PRKCB: variants seen among roughly 807,000 people sequenced by gnomAD.
PRKCB encodes protein kinase C beta.
A neutral mutation model predicts 81.5 loss-of-function variants in PRKCB; 13 were observed. That is an observed-to-expected ratio of 0.16 (90% CI 0.10 to 0.25). The LOEUF (loss-of-function observed/expected upper bound fraction) is 0.25. PRKCB is among the 10% of genes least tolerant of loss of function. The probability of loss-of-function intolerance (pLI) is 1.00; values close to 1 mark genes in which losing one functional copy is unlikely to be tolerated. For synonymous variants in PRKCB, 335 were observed against 321.4 expected (o/e 1.04, Z -0.45); for missense variants, 509 against 875.7 (o/e 0.58, Z 5.29).
chr16:23,846,647 A>G (rs986338620), intron 2 of PRKCB, among the ~76,000 whole-genome samples: 19 of 147,016 alleles, frequency 1.3e-4, no homozygotes, highest in Admixed American at 1.2e-3. Flanking sequence ...GTTTCTACCT[A>G]TAAACCAACT....
intron 16 of PRKCB, among the ~76,000 whole-genome samples, chr16:24,195,092 A>G (rs1242290552): frequency 6.6e-6 from 1 of 151,672 alleles, no homozygotes; most frequent in Non-Finnish European, 1.5e-5. Flanking sequence ...AGTCCCAGCT[A>G]CTCAGGAGGC....
At chr16:23,889,266 A>G (rs1168268790) in intron 2 of PRKCB, among the ~76,000 whole-genome samples, 2 of 152,206 alleles carry the variant, frequency 1.3e-5, no homozygotes, top group Non-Finnish European at 2.9e-5. Flanking sequence ...CTCACCAAGC[A>G]TGTGATCTTG....
chr16:24,066,626 C>CT (rs751557997), intron 5 of PRKCB, among the ~76,000 whole-genome samples: 25 of 147,488 alleles, frequency 1.7e-4, no homozygotes, highest in Middle Eastern at 3.5e-3. Flanking sequence ...TTGGATTTTC[C>CT]TTTTTTTTTT....
chr16:23,934,440 C>T (rs1465828568), intron 2 of PRKCB, among the ~76,000 whole-genome samples: 2 of 151,794 alleles, frequency 1.3e-5, no homozygotes, highest in Non-Finnish European at 2.9e-5. Flanking sequence ...TGGAAAGGGC[C>T]AGGGTATGTT....
intron 2 of PRKCB, among the ~76,000 whole-genome samples, chr16:23,950,844 G>A (rs1284267570): frequency 6.6e-6 from 1 of 152,152 alleles, no homozygotes; most frequent in Non-Finnish European, 1.5e-5. Flanking sequence ...TCACACATAA[G>A]CCTTTCTTTT....
chr16:24,220,585 A>G lies in PRKCB; in HGVS notation c.*5769A>G, dbSNP rs574068314. 6.5e-6 allele frequency: 1 copy of G among 154,386 alleles called. No homozygotes were observed. The highest frequency in any genetic ancestry group is 6.4e-5 in the Admixed American group (1 of 15,634). 9.6% of individuals were successfully genotyped at this position (154,386 alleles called of 1,614,324 possible). A position where few individuals can be genotyped will look rare whatever the true frequency, so the allele number is the denominator to read the frequency against. ...GGAAGTTTTTTGTTTAAGAATTGAT[A>G]TGATTAAACTGAATTAATATATGCA... On this transcript the variant is annotated 3_prime_UTR_variant, in exon 17 of 17. Coordinates refer to ENST00000643927, the MANE Select transcript of PRKCB (RefSeq NM_002738.7).
intron 2 of PRKCB, among the ~76,000 whole-genome samples, chr16:23,922,503 A>G (rs1181301027): frequency 6.6e-6 from 1 of 152,192 alleles, no homozygotes; most frequent in Non-Finnish European, 1.5e-5. Flanking sequence ...TTGCATTTTT[A>G]AAGACTATAT....
intron 8 of PRKCB, among the ~76,000 whole-genome samples, chr16:24,123,269 C>T (rs1471052712): frequency 6.6e-6 from 1 of 152,090 alleles, no homozygotes; most frequent in South Asian, 2.1e-4. Context: ...GGTGCAAAGG[C>T]CCTGTGGTTG....
chr16:24,134,767 C>G (rs1966859528), intron 9 of PRKCB, among the ~76,000 whole-genome samples: 1 of 137,310 alleles, frequency 7.3e-6, no homozygotes, highest in Admixed American at 7.3e-5. Flanking sequence ...AAAAAAAAAG[C>G]CAGACACACT....
rs886188884 is a variant in PRKCB at position 23,895,762 on chromosome 16, G to A, written c.205+58356G>A. On this transcript the variant is annotated intron_variant, in intron 2 of 16. Transcript: ENST00000643927. The stretch of plus-strand genomic sequence containing the variant: ...CTTATTTTTAATACTTAAATTAAAT[G>A]ATATAATTGATGTTAAGTGCTCATC... Among the ~76,000 whole-genome samples the A allele has an allele frequency of 3.3e-5, 5 of 152,146 alleles. No individual in the cohort carries two copies. The East Asian group carries it at 5.8e-4, about 18-fold the overall frequency.
chr16:23,952,445 G>A (rs1280168895), intron 2 of PRKCB, among the ~76,000 whole-genome samples: 2 of 152,200 alleles, frequency 1.3e-5, no homozygotes, highest in Admixed American at 1.3e-4. Context: ...GTATGTGTGT[G>A]GGTGCTGGGG....
At chr16:23,922,715 G>A (rs967156784) in intron 2 of PRKCB, among the ~76,000 whole-genome samples, 1 of 152,180 alleles carries the variant, frequency 6.6e-6, no homozygotes, top group Non-Finnish European at 1.5e-5. Flanking sequence ...AAGAAAAATA[G>A]CAAACTACCC....
At chr16:24,003,386 GTT>G (rs35881842) in intron 3 of PRKCB, among the ~76,000 whole-genome samples, 1,326 of 130,826 alleles carry the variant, frequency 0.01, 16 homozygotes, top group Middle Eastern at 0.031. Flanking sequence ...TCCTGCATTC[GTT>G]TTTTTTTTTT....
rs1596597662 is a variant in PRKCB, at chr16:24,203,868, T to C, written c.1864-10790T>C. On this transcript the variant is annotated intron_variant, in intron 16 of 16. Transcript: ENST00000643927. ...CCTTTTTCTTCCCAGGGTACACGTCTTTTTCTCACTTCCTCTAACTGGGAG... is the reference window on the plus strand; with the variant it reads ...CCTTTTTCTTCCCAGGGTACACGTCCTTTTCTCACTTCCTCTAACTGGGAG... Among the ~76,000 whole-genome samples the C allele has an allele frequency of 2.0e-5, 3 of 152,256 alleles. No homozygotes were observed. In the South Asian group the frequency reaches 6.2e-4, roughly 32 times the overall value.
chr16:24,045,905 T>A (rs1461543769), intron 5 of PRKCB, among the ~76,000 whole-genome samples: 1 of 152,244 alleles, frequency 6.6e-6, no homozygotes, highest in African/African-American at 2.4e-5. Context: ...CAGGTGGATG[T>A]GCCAGGGGTG....
At chr16:24,185,603 C>T in intron 15 of PRKCB, 36 bp downstream of exon 15, 1 of 1,547,584 alleles carries the variant, frequency 6.5e-7, no homozygotes, top group Non-Finnish European at 8.9e-7. Context: ...CCAGGACCAC[C>T]ACATAAAGGC....
chr16:24,072,590 T>C (rs780428749), intron 5 of PRKCB, among the ~76,000 whole-genome samples: 1 of 149,894 alleles, frequency 6.7e-6, no homozygotes. Context: ...CTCTCTCTCT[T>C]TTTTTTTTGA....
In PRKCB at chr16:24,219,059, C is replaced by T. The variant is rs934301049; in HGVS notation, c.*4243C>T. On this transcript the variant is annotated 3_prime_UTR_variant, in exon 17 of 17. Transcript: ENST00000643927. ...GGTGATGATGAGGAAAGACAAGAGG[C>T]TTGCAAGGACCCTGAAGAGGTCGGA... 4.1e-6 allele frequency: 4 copies of T among 985,454 alleles called. No homozygotes were observed. The highest frequency in any genetic ancestry group is 3.6e-6 in the Non-Finnish European group (3 of 830,006). The allele number at this position is 985,454 out of a possible 1,614,324, so 61.0% of individuals were successfully genotyped here. A position where few individuals can be genotyped will look rare whatever the true frequency, so the allele number is the denominator to read the frequency against.
In PRKCB at chr16:24,186,801, A is replaced by G. The variant is rs117291635; in HGVS notation, c.1722+1234A>G. The stretch of plus-strand genomic sequence containing the variant: ...CACACTGCCTAAATTCCCACTCTCA[A>G]TGAATCACCTAAGGTTTGCACCTCA... On this transcript the variant is annotated intron_variant, in intron 15 of 16. Transcript: ENST00000643927. Among the ~76,000 whole-genome samples, 723 of 152,360 alleles carry G rather than the reference A, an allele frequency of 4.7e-3. 1 individual carries two copies. Among genetic ancestry groups the G allele is most frequent in the Middle Eastern group, 0.014 (4 of 294 alleles).
Sources: gnomAD v4.1 joint callset for allele counts (sites outside exome capture counted in the v4.1 genomes callset) on GRCh38, gnomAD v4.1.1 for gene constraint, MANE v1.5 for transcripts, NCBI Gene and HGNC (gene_info 2026-07-23, HGNC 2026-07-21) for gene names.